Variants in SLC22A23 observed in about 807,000 individuals in gnomAD.
SLC22A23 encodes the protein ion transporter protein.
SLC22A23 carries 26 observed loss-of-function variants against 61.0 expected under a neutral mutation model. The observed-to-expected ratio is 0.43, with a 90% CI of 0.31 to 0.59. The LOEUF is 0.59. SLC22A23 is among the 20% of genes least tolerant of loss of function. The pLI is 0.11. For synonymous variants in SLC22A23, 430 were observed against 413.9 expected (o/e 1.04, Z -0.47); for missense variants, 796 against 934.7 (o/e 0.85, Z 1.94).
chr6:3,398,316 A>G (rs1189709497), intron 3 of SLC22A23, among the ~76,000 whole-genome samples: 1 of 152,098 alleles, frequency 6.6e-6, no homozygotes, highest in Non-Finnish European at 1.5e-5. Context: ...GGGAGTTCTG[A>G]GCCTTTTCCC....
At chr6:3,280,021 T>G (rs1049108748) in intron 9 of SLC22A23, among the ~76,000 whole-genome samples, 2 of 152,248 alleles carry the variant, frequency 1.3e-5, no homozygotes, top group African/African-American at 4.8e-5. Flanking sequence ...GCGAGGCTCC[T>G]GTTCTAGCTC....
intron 1 of SLC22A23, among the ~76,000 whole-genome samples, chr6:3,445,345 C>T (rs973397500): frequency 6.6e-6 from 1 of 152,112 alleles, no homozygotes; most frequent in Non-Finnish European, 1.5e-5. Flanking sequence ...ATTACAGGCA[C>T]GCACCACCAT....
rs1348632299 is a variant in SLC22A23, at chr6:3,386,940, C to T, written c.913+23248G>A. Among the ~76,000 whole-genome samples the T allele has an allele frequency of 1.3e-5, 2 of 152,250 alleles. No homozygotes were observed. Among genetic ancestry groups the T allele is most frequent in the Admixed American group, 1.3e-4 (2 of 15,290 alleles). On this transcript the variant is annotated intron_variant, in intron 3 of 9. Transcript: ENST00000406686. The surrounding 1 kb of genome is among the most constrained non-coding windows in gnomAD (Gnocchi z 4.4). The stretch of plus-strand genomic sequence containing the variant: ...TCGTCACTCAGACCACCACTCCAGC[C>T]TTTGAAATCAACAACAACCACACAC...
rs775414659 is a variant in SLC22A23, at chr6:3,287,008, T to C, written c.1397A>G (p.Tyr466Cys). The change falls in exon 7 of 10, where the codon TAT becomes TGT. Residue 466 changes from tyrosine (Y) to cysteine (C), a missense_variant. Tyr to Cys is a radical substitution (Grantham distance 194). Transcript: ENST00000406686. ...EVKVPLLENF[Y>C]ADYYTTASIA... ...GCTGGCCGTGGTATAGTAGTCAGCA[T>C]AGAAGTTCTCCAGGAGCGGCACCTT... 7 of 1,614,074 alleles carry C rather than the reference T, an allele frequency of 4.3e-6. No homozygotes were observed. Among genetic ancestry groups the C allele is most frequent in the African/African-American group, 1.3e-5 (1 of 74,918 alleles).
intron 3 of SLC22A23, among the ~76,000 whole-genome samples, chr6:3,365,996 C>A (rs529055527): frequency 1.1e-4 from 16 of 152,224 alleles, no homozygotes; most frequent in African/African-American, 3.6e-4. Flanking sequence ...CATGCACCAG[C>A]AGAAGACACA....
chr6:3,389,731 G>A (rs1442444367), intron 3 of SLC22A23, among the ~76,000 whole-genome samples: 1 of 152,238 alleles, frequency 6.6e-6, no homozygotes, highest in Admixed American at 6.5e-5. Flanking sequence ...AAAGTACAGG[G>A]ATGAAGTTAT....
chr6:3,297,539 T>C lies in SLC22A23; in HGVS notation c.1210+552A>G, dbSNP rs1761217193. Among the ~76,000 whole-genome samples the C allele has an allele frequency of 6.6e-6, 1 of 152,214 alleles. No individual in the cohort carries two copies. The highest frequency in any genetic ancestry group is 2.1e-4 in the South Asian group (1 of 4,826). On this transcript the variant is annotated intron_variant, in intron 5 of 9. Coordinates refer to ENST00000406686, the MANE Select transcript of SLC22A23 (RefSeq NM_015482.2). The surrounding 1 kb of genome is among the most constrained non-coding windows in gnomAD (Gnocchi z 4.3). ...CTGGATTTTAACAACCTCCTGGTGA[T>C]ACGTGGATCCCCAGGTTGAGAACCC...
rs899148675 is a variant in SLC22A23 at position 3,330,348 on chromosome 6, A to G, written c.914-6346T>C. Among the ~76,000 whole-genome samples the G allele has an allele frequency of 2.0e-5, 3 of 152,190 alleles. No individual in the cohort carries two copies. The highest frequency in any genetic ancestry group is 2.0e-4 in the Admixed American group (3 of 15,278). On this transcript the variant is annotated intron_variant, in intron 3 of 9. Coordinates refer to ENST00000406686, the MANE Select transcript of SLC22A23 (RefSeq NM_015482.2). This position sits in a 1 kb window ranked among gnomAD's most constrained non-coding sequence, Gnocchi z 4.7. ...CCCTAAGCTGCTGACACCCACCTGG[A>G]GACCACCACAGTCCTCTGAAGACAG... is the stretch of plus-strand genomic sequence containing the variant.
At chr6:3,371,581 G>A (rs905393037) in intron 3 of SLC22A23, among the ~76,000 whole-genome samples, 5 of 152,294 alleles carry the variant, frequency 3.3e-5, no homozygotes, top group South Asian at 4.1e-4. Flanking sequence ...TATGGGTGGA[G>A]GGGAATTGCC....
rs555209506 is a variant in SLC22A23 at position 3,377,585 on chromosome 6, T to G, written c.913+32603A>C. Among the ~76,000 whole-genome samples the G allele has an allele frequency of 2.0e-5, 3 of 152,280 alleles. No individual in the cohort carries two copies. The South Asian group carries it at 6.2e-4, about 32-fold the overall frequency. ...CCATTATGGCTTTAATGCCTTCCCC[T>G]CCCATGCAGCTGCATCCACAGGACC... On this transcript the variant is annotated intron_variant, in intron 3 of 9. Transcript: ENST00000406686.
chr6:3,422,712 TTC>T (rs1476996516), intron 1 of SLC22A23, among the ~76,000 whole-genome samples: 1 of 152,206 alleles, frequency 6.6e-6, no homozygotes, highest in African/African-American at 2.4e-5. Context: ...GGGAAATTTT[TTC>T]TCTTTTCAAT....
At chr6:3,341,558 C>G (rs992116266) in intron 3 of SLC22A23, among the ~76,000 whole-genome samples, 2 of 152,186 alleles carry the variant, frequency 1.3e-5, no homozygotes, top group Non-Finnish European at 2.9e-5. Context: ...TCTGTAGTCA[C>G]TGGTTAATCA....
intron 3 of SLC22A23, among the ~76,000 whole-genome samples, chr6:3,326,764 C>G (rs1763304952): frequency 6.6e-6 from 1 of 152,220 alleles, no homozygotes; most frequent in Admixed American, 6.5e-5. Context: ...ACCAGTAAAT[C>G]TTTCCAAACT....
chr6:3,288,592 T>G lies in SLC22A23; in HGVS notation c.1313+1172A>C, dbSNP rs753407256. Among the ~76,000 whole-genome samples the G allele has an allele frequency of 7.9e-5, 12 of 152,264 alleles. 1 individual carries two copies. Among genetic ancestry groups the G allele is most frequent in the Admixed American group, 7.8e-4 (12 of 15,288 alleles). On this transcript the variant is annotated intron_variant, in intron 6 of 9. Coordinates refer to ENST00000406686, the MANE Select transcript of SLC22A23 (RefSeq NM_015482.2). ...CTGACCACAACAGGTCATCTGAAGATAACAGAGCCAGAGAGCTCGGTTCCC... is the reference window on the plus strand; with the variant it reads ...CTGACCACAACAGGTCATCTGAAGAGAACAGAGCCAGAGAGCTCGGTTCCC...
intron 3 of SLC22A23, among the ~76,000 whole-genome samples, chr6:3,325,338 C>T (rs1763216405): frequency 6.6e-6 from 1 of 152,102 alleles, no homozygotes; most frequent in Admixed American, 6.5e-5. Context: ...AGGATATTAC[C>T]AGCCCTAACA....
chr6:3,284,366 A>C lies in SLC22A23; in HGVS notation c.1580-391T>G, dbSNP rs1436112081. ...ACGTGTGGGACAGGGTAGCTGAGTCAGGGTTGATTTAAGGAAACAAAAACT... is the reference window on the plus strand; with the variant it reads ...ACGTGTGGGACAGGGTAGCTGAGTCCGGGTTGATTTAAGGAAACAAAAACT... On this transcript the variant is annotated intron_variant, in intron 8 of 9. Transcript: ENST00000406686. Among the ~76,000 whole-genome samples, 3 of 152,226 alleles carry C rather than the reference A, an allele frequency of 2.0e-5. No individual in the cohort carries two copies. The South Asian group carries it at 6.2e-4, about 32-fold the overall frequency.
At chr6:3,449,673 G>C (rs888876929) in intron 1 of SLC22A23, among the ~76,000 whole-genome samples, 1 of 152,210 alleles carries the variant, frequency 6.6e-6, no homozygotes, top group Admixed American at 6.5e-5. Context: ...ATAATCCCCT[G>C]GGTCAGGGAG....
intron 3 of SLC22A23, among the ~76,000 whole-genome samples, chr6:3,391,685 T>C (rs1767671223): frequency 6.6e-6 from 1 of 152,182 alleles, no homozygotes; most frequent in African/African-American, 2.4e-5. Flanking sequence ...ATGAGTGGTA[T>C]GCGGAGATAC....
rs1412243812 is a variant in SLC22A23 at position 3,456,111 on chromosome 6, C to T, written c.449G>A (p.Gly150Asp). The change falls in exon 1 of 10, where the codon GGC becomes GAC. Residue 150 changes from glycine to aspartate, a missense_variant. Physicochemically the swap from Gly to Asp is moderately conservative, Grantham distance 94 (BLOSUM62 -1). Coordinates refer to ENST00000406686, the MANE Select transcript of SLC22A23 (RefSeq NM_015482.2). This position sits in a 1 kb window ranked among gnomAD's most constrained non-coding sequence, Gnocchi z 7.1. ...VTTTGRGGDM[G>D]NWTSLPTTPF... ...GGTGGTGGGGAGGCTGGTCCAGTTG[C>T]CCATGTCCCCGCCCCGGCCTGTGGT... 6.4e-7 allele frequency: 1 copy of T among 1,550,734 alleles called. No individual in the cohort carries two copies. Among genetic ancestry groups the T allele is most frequent in the South Asian group, 1.2e-5 (1 of 84,034 alleles).
Sources: allele counts gnomAD v4.1 joint callset (sites outside exome capture counted in the v4.1 genomes callset), GRCh38; gene constraint gnomAD v4.1.1; non-coding constraint Gnocchi (gnomAD v3.1); transcripts MANE v1.5; gene names NCBI Gene and HGNC (gene_info 2026-07-23, HGNC 2026-07-21).